The following CCDC91 variants were observed in gnomAD, a reference collection of about 807,000 sequenced individuals.
CCDC91 encodes the protein coiled-coil domain containing 91, also known as coiled-coil domain-containing protein 91.
CCDC91 carries 48 observed loss-of-function variants against 63.2 expected under a neutral mutation model. That is an observed-to-expected ratio of 0.76 (90% confidence interval 0.60 to 0.97). The LOEUF (loss-of-function observed/expected upper bound fraction) is 0.97, where lower values mean the gene tolerates loss of function less well. Among genes scored for constraint, CCDC91 ranks in the 50% least tolerant of loss-of-function variants. CCDC91 has a pLI of 0.00. For missense variants in CCDC91, 500 were observed against 494.6 expected, an observed-to-expected ratio of 1.01 and a Z score of -0.10; for synonymous variants, 167 against 165.8, an observed-to-expected ratio of 1.01 and a Z score of -0.06.
chr12:28,374,332 G>A (rs565259986), intron 7 of CCDC91, among the ~76,000 whole-genome samples: 1 of 152,136 alleles, frequency 6.6e-6, no homozygotes, highest in East Asian at 1.9e-4. Flanking sequence ...GGTCGTATTG[G>A]ATCACCTCAA....
intron 6 of CCDC91, among the ~76,000 whole-genome samples, chr12:28,339,223 T>C (rs916268166): frequency 7.2e-5 from 11 of 152,316 alleles, no homozygotes; most frequent in Non-Finnish European, 1.2e-4. Context: ...GGGAGTAGTT[T>C]AGATCTTTGG....
chr12:28,438,868 A>G (rs1328560791), intron 8 of CCDC91, among the ~76,000 whole-genome samples: 1 of 152,198 alleles, frequency 6.6e-6, no homozygotes, highest in East Asian at 1.9e-4. Context: ...CATAGGGAAT[A>G]ATAGAATTGG....
At chr12:28,444,777 G>A (rs147723469) in intron 8 of CCDC91, among the ~76,000 whole-genome samples, 3 of 152,174 alleles carry the variant, frequency 2.0e-5, no homozygotes, top group East Asian at 3.9e-4. Context: ...GCAAACCAAC[G>A]TGACACAAGT....
chr12:28,333,854 A>C (rs1300169197), intron 6 of CCDC91, among the ~76,000 whole-genome samples: 1 of 152,130 alleles, frequency 6.6e-6, no homozygotes, highest in Non-Finnish European at 1.5e-5. Flanking sequence ...GTGAGTTACA[A>C]GTTTTCCAAA....
chr12:28,273,387 T>C (rs1947929586), intron 3 of CCDC91, among the ~76,000 whole-genome samples: 1 of 152,194 alleles, frequency 6.6e-6, no homozygotes, highest in African/African-American at 2.4e-5. Flanking sequence ...ATGGTATTTC[T>C]AGTTCTAGAT....
At chr12:28,503,876 A>G (rs1022456832) in intron 12 of CCDC91, among the ~76,000 whole-genome samples, 1 of 150,964 alleles carries the variant, frequency 6.6e-6, no homozygotes, top group Admixed American at 6.6e-5. Flanking sequence ...ATAGGTAGGA[A>G]TTGAACAATG....
At chr12:28,276,862 A>G (rs954335483) in intron 3 of CCDC91, among the ~76,000 whole-genome samples, 2 of 151,990 alleles carry the variant, frequency 1.3e-5, no homozygotes, top group Non-Finnish European at 2.9e-5. Flanking sequence ...GTTGAAAATT[A>G]TATGTATATT....
intron 1 of CCDC91, among the ~76,000 whole-genome samples, chr12:28,220,448 A>G (rs1416604946): frequency 1.3e-5 from 2 of 152,038 alleles, no homozygotes; most frequent in Non-Finnish European, 2.9e-5. Flanking sequence ...TATAAAGCCA[A>G]CAATATGTTT....
At chr12:28,260,812 G>C (rs1191388915) in intron 3 of CCDC91, among the ~76,000 whole-genome samples, 2 of 151,928 alleles carry the variant, frequency 1.3e-5, no homozygotes, top group African/African-American at 4.8e-5. Context: ...AGATTAGCAT[G>C]GCATTGGAAA....
chr12:28,283,319 A>G (rs1948717357), intron 3 of CCDC91, among the ~76,000 whole-genome samples: 1 of 151,508 alleles, frequency 6.6e-6, no homozygotes, highest in African/African-American at 2.4e-5. Flanking sequence ...CATTTTCATA[A>G]TATTGATTCT....
intron 6 of CCDC91, among the ~76,000 whole-genome samples, chr12:28,354,286 A>G (rs750384847): frequency 6.6e-5 from 10 of 152,038 alleles, no homozygotes; most frequent in East Asian, 1.9e-4. Context: ...GCATAACTCT[A>G]TCCTCTACTT....
chr12:28,337,438 T>C (rs1482472691), intron 6 of CCDC91, among the ~76,000 whole-genome samples: 1 of 152,118 alleles, frequency 6.6e-6, no homozygotes, highest in African/African-American at 2.4e-5. Context: ...AATCATCTTG[T>C]TTTTTATCTA....
chr12:28,243,648 G>C (rs1945502797), intron 1 of CCDC91, among the ~76,000 whole-genome samples: 1 of 152,038 alleles, frequency 6.6e-6, no homozygotes, highest in Non-Finnish European at 1.5e-5. Flanking sequence ...GAATGAAAAA[G>C]AGATATATAA....
chr12:28,244,494 C>CTTTTT (rs3064681), intron 1 of CCDC91, among the ~76,000 whole-genome samples: 705 of 38,436 alleles, frequency 0.018, 164 homozygotes, highest in African/African-American at 0.052. Context: ...TAGAAGAAGG[C>CTTTTT]TTTTTTTTTT....
intron 12 of CCDC91, among the ~76,000 whole-genome samples, chr12:28,536,046 T>C (rs1355175505): frequency 6.7e-6 from 1 of 148,946 alleles, no homozygotes; most frequent in East Asian, 2.0e-4. Flanking sequence ...AAAAAAAATA[T>C]ATATTGTGGG....
intron 8 of CCDC91, among the ~76,000 whole-genome samples, chr12:28,442,981 A>G (rs1357179189): frequency 1.3e-5 from 2 of 152,038 alleles, no homozygotes; most frequent in Non-Finnish European, 2.9e-5. Context: ...GGAGGCTTTT[A>G]TGAGGTAACA....
intron 7 of CCDC91, among the ~76,000 whole-genome samples, chr12:28,370,110 A>G (rs2077189023): frequency 6.6e-6 from 1 of 152,212 alleles, no homozygotes; most frequent in Non-Finnish European, 1.5e-5. Context: ...ATTTCTCCCC[A>G]GAAAATGGGT....
chr12:28,366,862 G>A (rs1469740518), intron 7 of CCDC91, among the ~76,000 whole-genome samples: 1 of 151,924 alleles, frequency 6.6e-6, no homozygotes, highest in East Asian at 1.9e-4. Context: ...AGGCCTGGTG[G>A]GAAGCTGAAC....
At chr12:28,533,355 A>G (rs973447485) in intron 12 of CCDC91, among the ~76,000 whole-genome samples, 6 of 152,096 alleles carry the variant, frequency 3.9e-5, no homozygotes, top group African/African-American at 1.4e-4. Flanking sequence ...AAGTTTCCAC[A>G]GTAAATAGTT....
Sources: gnomAD v4.1 joint callset for allele counts (sites outside exome capture counted in the v4.1 genomes callset) on GRCh38, gnomAD v4.1.1 for gene constraint, MANE v1.5 for transcripts, NCBI Gene and HGNC (gene_info 2026-07-23, HGNC 2026-07-21) for gene names.